DHX33: variants seen among roughly 807,000 people sequenced by gnomAD.
The protein encoded by DHX33 is ATP-dependent RNA helicase DHX33.
DHX33 carries 42 observed loss-of-function variants against 72.5 expected under a neutral mutation model. That is an observed-to-expected ratio of 0.58 (90% CI 0.45 to 0.75). The LOEUF is 0.75. Ranked by LOEUF, DHX33 falls within the 30% of genes least tolerant of loss-of-function variation. The pLI is 0.00. For synonymous variants in DHX33, 358 were observed against 366.1 expected (o/e 0.98, Z 0.25); for missense variants, 842 against 917.5 (o/e 0.92, Z 1.06).
intron 1 of DHX33, among the ~76,000 whole-genome samples, chr17:5,465,765 C>T (rs1490653965): frequency 6.6e-6 from 1 of 152,154 alleles, no homozygotes; most frequent in Non-Finnish European, 1.5e-5. Context: ...GTTTTTGCAG[C>T]CTGTCTCGTC....
At chr17:5,457,382 G>A (rs1904373164) in intron 4 of DHX33, among the ~76,000 whole-genome samples, 1 of 152,046 alleles carries the variant, frequency 6.6e-6, no homozygotes, top group Non-Finnish European at 1.5e-5. Flanking sequence ...CAGCACTTTG[G>A]GAGGCTGAGG....
chr17:5,443,223 C>T lies in DHX33; in HGVS notation c.*982G>A, dbSNP rs1368140863. 7.3e-6 allele frequency: 1 copy of T among 137,376 alleles called. No homozygotes were observed. Among genetic ancestry groups the T allele is most frequent in the Non-Finnish European group, 1.6e-5 (1 of 63,426 alleles). 8.5% of individuals were successfully genotyped at this position (137,376 alleles called of 1,614,324 possible). Reference sequence around the variant, plus strand: ...TCTCTGGGTTCTAGGTACCCCTCTCCCCTCCCCCACCCCCACCCCCTCTGA... The same window carrying T: ...TCTCTGGGTTCTAGGTACCCCTCTCTCCTCCCCCACCCCCACCCCCTCTGA... On this transcript the variant is annotated 3_prime_UTR_variant, in exon 12 of 12. Transcript: ENST00000225296.
chr17:5,453,905 C>A lies in DHX33; in HGVS notation c.1223G>T (p.Arg408Ile). Residue 408 changes from arginine to isoleucine, a missense_variant, in exon 7 of 12, where the codon AGA (arginine) becomes ATA (isoleucine). Arg to Ile is a moderately conservative substitution (Grantham distance 97). Coordinates refer to ENST00000225296, the MANE Select transcript of DHX33 (RefSeq NM_020162.4). Reference protein sequence around the residue: ...QAWQRTGRAGREDSGICYRLY... With the variant: ...QAWQRTGRAGIEDSGICYRLY... ...CCGGTAGCAGATGCCACTGTCCTCT[C>A]TGCCAGCCCTCCCTGTGCGCTGCCA... The A allele has an allele frequency of 6.2e-7, 1 of 1,611,022 alleles. No individual in the cohort carries two copies. The highest frequency in any genetic ancestry group is 8.5e-7 in the Non-Finnish European group (1 of 1,178,822).
intron 1 of DHX33, 34 bp downstream of exon 1, chr17:5,468,537 G>A (rs1295444390): frequency 1.9e-5 from 30 of 1,595,068 alleles, no homozygotes; most frequent in South Asian, 5.6e-5. Context: ...CACGGACGAA[G>A]TGCAAGGAAG....
At chr17:5,447,598 T>C (rs901737362) in intron 11 of DHX33, among the ~76,000 whole-genome samples, 2 of 151,212 alleles carry the variant, frequency 1.3e-5, no homozygotes, top group African/African-American at 4.9e-5. Flanking sequence ...CACTCCAGCC[T>C]GGGCAACAAG....
chr17:5,462,557 A>T lies in DHX33; in HGVS notation c.451-11T>A, dbSNP rs763909973. 5 of 1,604,266 alleles carry T rather than the reference A, an allele frequency of 3.1e-6. No individual in the cohort carries two copies. In the East Asian group the frequency reaches 1.1e-4, roughly 36 times the overall value. On this transcript the variant is annotated splice_polypyrimidine_tract_variant and intron_variant, in intron 2 of 11. Transcript: ENST00000225296. The stretch of plus-strand genomic sequence containing the variant: ...CACTGTATAGCCAACCTGTGCAGGG[A>T]AACAATTTATTCAGTCACCAAACAT...
At chr17:5,456,382 C>T (rs1213891614) in intron 4 of DHX33, among the ~76,000 whole-genome samples, 200 bp from the exon 5 acceptor site, 1 of 152,210 alleles carries the variant, frequency 6.6e-6, no homozygotes, top group African/African-American at 2.4e-5. Context: ...TGTGATGGCT[C>T]ACGCCTGTAA....
At position 5,456,149 on chromosome 17, in the gene DHX33, G is replaced by T; in HGVS notation, c.883C>A (p.Leu295Ile). Reference sequence around the variant, plus strand: ...GCTTCGATCTCCTCCTGCCCAGTGAGGAACACCAGGATGTCCTGTGAAGAA... The same window carrying T: ...GCTTCGATCTCCTCCTGCCCAGTGATGAACACCAGGATGTCCTGTGAAGAA... ...APSSQDILVF[L>I]TGQEEIEAMS... is the part of the protein sequence containing the mutation. Residue 295 changes from leucine (L) to isoleucine (I), a missense_variant, in exon 5 of 12, where the codon CTC becomes ATC. By Grantham distance (5) the Leu-to-Ile change is conservative. Coordinates refer to ENST00000225296, the MANE Select transcript of DHX33 (RefSeq NM_020162.4). The T allele has an allele frequency of 1.2e-6, 2 of 1,614,188 alleles. No homozygotes were observed. Among genetic ancestry groups the T allele is most frequent in the Non-Finnish European group, 8.5e-7 (1 of 1,180,032 alleles).
At chr17:5,457,216 G>A (rs1374371263) in intron 4 of DHX33, among the ~76,000 whole-genome samples, 1 of 152,184 alleles carries the variant, frequency 6.6e-6, no homozygotes, top group South Asian at 2.1e-4. Context: ...GCTGAGGCAG[G>A]AGAATCACTT....
Position 5,441,572 on chromosome 17 carries a change from G to A in DHX33, c.*2633C>T, listed in dbSNP as rs570304801. On this transcript the variant is annotated 3_prime_UTR_variant, in exon 12 of 12. Transcript: ENST00000225296. ...CATTTAACTTTCTTAAGTTTAAAGTGTACTATCTCCTGCAGCTCAATATAA... is the reference window on the plus strand; with the variant it reads ...CATTTAACTTTCTTAAGTTTAAAGTATACTATCTCCTGCAGCTCAATATAA... The A allele has an allele frequency of 1.8e-4, 28 of 152,160 alleles. No homozygotes were observed. The highest frequency in any genetic ancestry group is 3.5e-4 in the Non-Finnish European group (24 of 68,038). 9.4% of individuals were successfully genotyped at this position (152,160 alleles called of 1,614,324 possible).
chr17:5,465,669 T>C (rs1342191148), intron 1 of DHX33, among the ~76,000 whole-genome samples: 1 of 152,218 alleles, frequency 6.6e-6, no homozygotes, highest in Admixed American at 6.5e-5. Context: ...GTTCCACCTA[T>C]AATCTGGCTG....
intron 1 of DHX33, among the ~76,000 whole-genome samples, chr17:5,468,337 C>G (rs925813277): frequency 6.6e-6 from 1 of 152,202 alleles, no homozygotes; most frequent in Non-Finnish European, 1.5e-5. Flanking sequence ...TACCCTTTTA[C>G]GCGGAAGGTG....
At position 5,444,181 on chromosome 17, in the gene DHX33, A is replaced by G; in HGVS notation, c.*24T>C. ...TAGTCCAAGCTCCCAGGGACCAGTG[A>G]TTCTGGCGGCATCCTGGGGCGGCTC... On this transcript the variant is annotated 3_prime_UTR_variant, in exon 12 of 12. Coordinates refer to ENST00000225296, the MANE Select transcript of DHX33 (RefSeq NM_020162.4). This position sits in a 1 kb window ranked among gnomAD's most constrained non-coding sequence, Gnocchi z 4.9. The G allele has an allele frequency of 6.2e-7, 1 of 1,601,788 alleles. No homozygotes were observed.
At position 5,444,449 on chromosome 17, in the gene DHX33, C is replaced by T; in HGVS notation, c.1880G>A (p.Ser627Asn). ...AAGCTCGGCGGTGCTCATGAAGAGG[C>T]TGTGAGCCAGGCAGCGGCGGACACT... ...VESVRRCLAH[S>N]LFMSTAELQP... The change falls in exon 12 of 12, where the codon AGC becomes AAC. Residue 627 changes from serine (S) to asparagine (N), a missense_variant. Physicochemically the swap from Ser to Asn is conservative, Grantham distance 46. Coordinates refer to ENST00000225296, the MANE Select transcript of DHX33 (RefSeq NM_020162.4). This position sits in a 1 kb window ranked among gnomAD's most constrained non-coding sequence, Gnocchi z 4.9. 6.2e-7 allele frequency: 1 copy of T among 1,614,198 alleles called. No homozygotes were observed. Among genetic ancestry groups the T allele is most frequent in the South Asian group, 1.1e-5 (1 of 91,090 alleles).
Position 5,468,648 on chromosome 17 carries a change from C to A in DHX33, c.212G>T (p.Arg71Leu). Reference sequence around the variant, plus strand: ...CGCTTGGAAGATGGGCAGACTCCGGCGCTGCAGCTCCACAGCTTCAGGGTA... The same window carrying A: ...CGCTTGGAAGATGGGCAGACTCCGGAGCTGCAGCTCCACAGCTTCAGGGTA... ...SPYPEAVELQ[R>L]RSLPIFQARG... is the part of the protein sequence containing the mutation. Residue 71 changes from arginine (R) to leucine (L), a missense_variant, in exon 1 of 12, where the codon CGC becomes CTC. Physicochemically the swap from Arg to Leu is moderately radical, Grantham distance 102 (BLOSUM62 -2). Transcript: ENST00000225296. 2 of 1,612,476 alleles carry A rather than the reference C, an allele frequency of 1.2e-6. No homozygotes were observed. Among genetic ancestry groups the A allele is most frequent in the Middle Eastern group, 1.7e-4 (1 of 5,956 alleles).
At position 5,444,549 on chromosome 17, in the gene DHX33, C is replaced by G. The variant is rs552981712; in HGVS notation, c.1816-36G>C. Reference sequence around the variant, plus strand: ...AGAAAGCGAGGAATGGAGCCGACCCCACACGTAAACACTGGTCAGCACTAC... The same window carrying G: ...AGAAAGCGAGGAATGGAGCCGACCCGACACGTAAACACTGGTCAGCACTAC... On this transcript the variant is annotated intron_variant, in intron 11 of 11. Transcript: ENST00000225296. The surrounding 1 kb of genome is among the most constrained non-coding windows in gnomAD (Gnocchi z 4.9). 32 of 1,589,684 alleles carry G rather than the reference C, an allele frequency of 2.0e-5. No homozygotes were observed. The South Asian group carries it at 3.7e-4, about 18-fold the overall frequency.
At chr17:5,461,962 CAG>C (rs1488076491) in intron 3 of DHX33, among the ~76,000 whole-genome samples, 1 of 115,984 alleles carries the variant, frequency 8.6e-6, no homozygotes, top group Admixed American at 9.9e-5. Context: ...TTTTTTGAGA[CAG>C]AGTCTCGCTC....
At chr17:5,462,121 G>C (rs1904656684) in intron 3 of DHX33, among the ~76,000 whole-genome samples, 198 bp downstream of exon 3, 1 of 149,986 alleles carries the variant, frequency 6.7e-6, no homozygotes, top group Non-Finnish European at 1.5e-5. Flanking sequence ...TATATTTTTA[G>C]TAGAGACGGG....
At chr17:5,455,449 C>T (rs541932869) in intron 5 of DHX33, among the ~76,000 whole-genome samples, 178 bp from the exon 6 acceptor site, 10 of 152,180 alleles carry the variant, frequency 6.6e-5, no homozygotes, top group East Asian at 1.9e-4. Context: ...GGGAAGGGGA[C>T]GCTGCAGTCT....
Sources: gnomAD v4.1 joint callset for allele counts (sites outside exome capture counted in the v4.1 genomes callset) on GRCh38, gnomAD v4.1.1 for gene constraint, Gnocchi (gnomAD v3.1) non-coding constraint, MANE v1.5 for transcripts, NCBI Gene and HGNC (gene_info 2026-07-23, HGNC 2026-07-21) for gene names.